ARHGAP5: variants seen among roughly 807,000 people sequenced by gnomAD.
The protein encoded by ARHGAP5 is rho GTPase-activating protein 5.
In ARHGAP5, 23 loss-of-function variants were observed where a neutral mutation model predicts 116.6. The ratio of observed to expected loss-of-function variants is 0.20; its 90% CI spans 0.14 to 0.28. The LOEUF is 0.28. ARHGAP5 is among the 10% of genes least tolerant of loss of function. The pLI is 1.00. For missense variants in ARHGAP5, 1,405 were observed against 1,774.8 expected, an observed-to-expected ratio of 0.79 and a Z score of 3.74; for synonymous variants, 574 against 602.0, an observed-to-expected ratio of 0.95 and a Z score of 0.68.
At chr14:32,115,812 A>G (rs1465227789) in intron 2 of ARHGAP5, among the ~76,000 whole-genome samples, 1 of 23,248 alleles carries the variant, frequency 4.3e-5, no homozygotes, top group East Asian at 1.3e-3. Flanking sequence ...TCTACTAAAA[A>G]TACAAAAAAA....
chr14:32,083,400 T>C (rs2041797437), intron 1 of ARHGAP5, among the ~76,000 whole-genome samples: 1 of 152,266 alleles, frequency 6.6e-6, no homozygotes, highest in African/African-American at 2.4e-5. Flanking sequence ...ACAGCAGAGT[T>C]GAGTAGTGTG....
Position 32,092,761 on chromosome 14 carries a change from T to C in ARHGAP5, c.2092T>C (p.Leu698=), listed in dbSNP as rs758465255. The C allele has an allele frequency of 1.1e-5, 18 of 1,613,806 alleles. No homozygotes were observed. The Admixed American group carries it at 2.5e-4, about 22-fold the overall frequency. ...DKYMANLPFT[L]ILANQRDSIS... is the part of the protein sequence containing the mutation. ...ATACATGGCTAATCTTCCATTTACA[T>C]TAATTCTGGCTAATCAGAGAGATTC... The change falls in exon 2 of 7, where the codon TTA becomes CTA. Residue 698 remains leucine (L), a synonymous_variant. Transcript: ENST00000345122. The surrounding 1 kb of genome is among the most constrained non-coding windows in gnomAD (Gnocchi z 4.1).
At chr14:32,121,013 C>CTT (rs56377207) in intron 3 of ARHGAP5, among the ~76,000 whole-genome samples, 6,425 of 104,816 alleles carry the variant, frequency 0.061, 685 homozygotes, top group African/African-American at 0.12. Context: ...AGGATTATGT[C>CTT]TTTTTTTTTT....
Position 32,153,406 on chromosome 14 carries a change from C to CAA in ARHGAP5, c.4181+917_4181+918dup, listed in dbSNP as rs771660350. ...TGGCCAACAGAGCAAGACTCTGTCT[C>CAA]AAAAAAAAAAAAAAAAAAAAAAAAA... On this transcript the variant is annotated intron_variant, in intron 6 of 6. Transcript: ENST00000345122. Among the ~76,000 whole-genome samples, 22 of 15,158 alleles carry CAA rather than the reference C, an allele frequency of 1.5e-3. 2 individuals carry two copies. The highest frequency in any genetic ancestry group is 2.9e-3 in the East Asian group (1 of 340). The allele number at this position is 15,158 out of a possible 152,430, so 9.9% of individuals were successfully genotyped here.
intron 3 of ARHGAP5, among the ~76,000 whole-genome samples, chr14:32,142,861 T>C (rs1486457389): frequency 2.6e-5 from 4 of 152,216 alleles, no homozygotes; most frequent in Non-Finnish European, 5.9e-5. Context: ...TGGCAGCTCA[T>C]TAGTCGCTTT....
At chr14:32,139,281 A>G (rs1329137836) in intron 3 of ARHGAP5, among the ~76,000 whole-genome samples, 3 of 152,122 alleles carry the variant, frequency 2.0e-5, no homozygotes, top group Admixed American at 6.6e-5. Context: ...TTTGAGATCA[A>G]TTATTGTTAA....
At chr14:32,098,438 G>A (rs971019491) in intron 2 of ARHGAP5, among the ~76,000 whole-genome samples, 3 of 152,182 alleles carry the variant, frequency 2.0e-5, no homozygotes, top group Non-Finnish European at 2.9e-5. Context: ...AGATCTGATA[G>A]CTAAATTGTT....
At position 32,146,348 on chromosome 14, in the gene ARHGAP5, G is replaced by T; in HGVS notation, c.3943+8G>T. On this transcript the variant is annotated splice_region_variant and intron_variant, in intron 4 of 6. Transcript: ENST00000345122. ...AAAAGCAGTTTGATCAAGGTAAGAA[G>T]ATGATTATGTGAAATAAAAATTGTT... 6.3e-7 allele frequency: 1 copy of T among 1,589,292 alleles called. No homozygotes were observed. Among genetic ancestry groups the T allele is most frequent in the South Asian group, 1.1e-5 (1 of 89,908 alleles).
chr14:32,115,090 A>G (rs1879486272), intron 2 of ARHGAP5, among the ~76,000 whole-genome samples: 1 of 152,214 alleles, frequency 6.6e-6, no homozygotes, highest in African/African-American at 2.4e-5. Flanking sequence ...AAACTTGCCC[A>G]TCTTTGTATA....
At chr14:32,098,889 A>G (rs1227531550) in intron 2 of ARHGAP5, among the ~76,000 whole-genome samples, 2 of 152,190 alleles carry the variant, frequency 1.3e-5, no homozygotes, top group African/African-American at 4.8e-5. Context: ...TAATTTGAAC[A>G]TAGAGAGTGA....
chr14:32,079,348 A>G (rs967825386), intron 1 of ARHGAP5, among the ~76,000 whole-genome samples: 3 of 152,170 alleles, frequency 2.0e-5, no homozygotes, highest in Admixed American at 6.5e-5. Context: ...TTGCGGCAGA[A>G]TTCTGTTATC....
chr14:32,105,873 G>A (rs1878993592), intron 2 of ARHGAP5, among the ~76,000 whole-genome samples: 1 of 152,120 alleles, frequency 6.6e-6, no homozygotes, highest in Non-Finnish European at 1.5e-5. Flanking sequence ...GAATCACAGG[G>A]CATATAACTT....
intron 2 of ARHGAP5, among the ~76,000 whole-genome samples, chr14:32,095,140 AT>A (rs1054879255): frequency 5.3e-5 from 8 of 152,172 alleles, no homozygotes; most frequent in Non-Finnish European, 1.2e-4. Flanking sequence ...GTAGGCTTTT[AT>A]GCTAATGTGT....
chr14:32,080,666 G>A (rs2041762970), intron 1 of ARHGAP5, among the ~76,000 whole-genome samples: 1 of 152,186 alleles, frequency 6.6e-6, no homozygotes. Flanking sequence ...GTGCAGGAAA[G>A]AGAATGCCTG....
At chr14:32,128,128 G>A (rs371474228) in intron 3 of ARHGAP5, among the ~76,000 whole-genome samples, 3 of 151,174 alleles carry the variant, frequency 2.0e-5, no homozygotes, top group African/African-American at 4.9e-5. Context: ...GATGATGGGC[G>A]GCCAGGCAGA....
intron 2 of ARHGAP5, among the ~76,000 whole-genome samples, chr14:32,104,442 C>A (rs1878919274): frequency 1.3e-5 from 2 of 152,134 alleles, no homozygotes; most frequent in Admixed American, 1.3e-4. Flanking sequence ...TTTATTTCCT[C>A]TTTTCACCTA....
chr14:32,102,005 G>T (rs1402273811), intron 2 of ARHGAP5, among the ~76,000 whole-genome samples: 1 of 151,964 alleles, frequency 6.6e-6, no homozygotes, highest in Non-Finnish European at 1.5e-5. Context: ...CTTACTATAG[G>T]AAGGCAATAC....
chr14:32,149,343 A>G (rs1035417191), intron 4 of ARHGAP5, among the ~76,000 whole-genome samples: 4 of 151,738 alleles, frequency 2.6e-5, no homozygotes, highest in Non-Finnish European at 5.9e-5. Context: ...ATAGCTGTAT[A>G]AACAAAAAAA....
At chr14:32,134,959 T>G (rs1376974685) in intron 3 of ARHGAP5, among the ~76,000 whole-genome samples, 1 of 152,218 alleles carries the variant, frequency 6.6e-6, no homozygotes, top group Non-Finnish European at 1.5e-5. Context: ...TATATTTAAT[T>G]CTCCCAGTTG....
Sources: gnomAD v4.1 joint callset for allele counts (sites outside exome capture counted in the v4.1 genomes callset) on GRCh38, gnomAD v4.1.1 for gene constraint, Gnocchi (gnomAD v3.1) non-coding constraint, MANE v1.5 for transcripts, NCBI Gene and HGNC (gene_info 2026-07-23, HGNC 2026-07-21) for gene names.